The following GLI3 variants were observed in gnomAD, a reference collection of about 807,000 sequenced individuals.
GLI3 encodes the protein transcription activator GLI3.
GLI3 carries 20 observed loss-of-function variants against 100.8 expected under a neutral mutation model. The ratio of observed to expected loss-of-function variants is 0.20; its 90% CI spans 0.14 to 0.29. The LOEUF (loss-of-function observed/expected upper bound fraction) is 0.29. Ranked by LOEUF, GLI3 falls within the 10% of genes least tolerant of loss-of-function variation. GLI3 has a pLI of 1.00. For missense variants in GLI3, 2,040 were observed against 2,128.5 expected (o/e 0.96, Z 0.82); for synonymous variants, 938 against 860.5 (o/e 1.09, Z -1.58).
At chr7:42,092,438 T>C (rs1028948001) in intron 3 of GLI3, among the ~76,000 whole-genome samples, 1 of 152,156 alleles carries the variant, frequency 6.6e-6, no homozygotes, top group Admixed American at 6.5e-5. Flanking sequence ...AAGCCCGTGG[T>C]GTGCTGTCAG....
At chr7:42,182,681 T>TATATATATAC (rs1338758976) in intron 2 of GLI3, among the ~76,000 whole-genome samples, 7 of 56,770 alleles carry the variant, frequency 1.2e-4, no homozygotes, top group African/African-American at 3.6e-4. Flanking sequence ...TATATATATA[T>TATATATATAC]ACACATGTGT....
At chr7:42,250,819 C>G (rs898375195) in intron 1 of GLI3, among the ~76,000 whole-genome samples, 1 of 152,056 alleles carries the variant, frequency 6.6e-6, no homozygotes, top group Non-Finnish European at 1.5e-5. Context: ...TGGGAAAGGG[C>G]GAAAGAATAG....
intron 3 of GLI3, among the ~76,000 whole-genome samples, chr7:42,123,377 G>A (rs1434339907): frequency 6.6e-6 from 1 of 152,136 alleles, no homozygotes; most frequent in African/African-American, 2.4e-5. Context: ...TAGCAAATGA[G>A]AGCAGTTTCA....
At chr7:42,039,912 G>C in intron 7 of GLI3, 126 bp downstream of exon 7, 1 of 761,910 alleles carries the variant, frequency 1.3e-6, no homozygotes, top group Middle Eastern at 2.9e-4. Flanking sequence ...TCTTGGTATA[G>C]GCACAGCATC....
At chr7:42,049,348 T>C (rs1355668525) in intron 4 of GLI3, among the ~76,000 whole-genome samples, 1 of 152,182 alleles carries the variant, frequency 6.6e-6, no homozygotes, top group Non-Finnish European at 1.5e-5. Flanking sequence ...AAAATGACTT[T>C]TATGGATCCA....
At chr7:42,060,409 T>A (rs183670820) in intron 4 of GLI3, among the ~76,000 whole-genome samples, 5 of 152,322 alleles carry the variant, frequency 3.3e-5, no homozygotes, top group African/African-American at 1.2e-4. Context: ...ATTAAGCGAT[T>A]TGATTTACCT....
chr7:42,080,185 G>A (rs916099229), intron 3 of GLI3, among the ~76,000 whole-genome samples: 1 of 152,064 alleles, frequency 6.6e-6, no homozygotes, highest in Non-Finnish European at 1.5e-5. Flanking sequence ...ACCTAGCACT[G>A]CAACAATAAA....
intron 4 of GLI3, among the ~76,000 whole-genome samples, chr7:42,058,525 T>G (rs868543878): frequency 2.6e-4 from 39 of 152,354 alleles, no homozygotes; most frequent in Middle Eastern, 3.4e-3. Context: ...TACAAAATAT[T>G]GATGCTTTAA....
At position 42,076,714 on chromosome 7, in the gene GLI3, C is replaced by T. The variant is rs369382321; in HGVS notation, c.473+38G>A. 488 of 1,278,958 alleles carry T rather than the reference C, an allele frequency of 3.8e-4. 1 individual carries two copies. Among genetic ancestry groups the T allele is most frequent in the Admixed American group, 5.9e-4 (35 of 59,594 alleles). The allele number at this position is 1,278,958 out of a possible 1,614,324, so 79.2% of individuals were successfully genotyped here. On this transcript the variant is annotated intron_variant, in intron 4 of 14. Transcript: ENST00000395925. ...CCTGAGATGGTAAAAGCCAGCATCT[C>T]GTTCCATTTCATTAATGAAGAAAGT... is the stretch of plus-strand genomic sequence containing the variant.
chr7:42,030,803 C>G (rs1221920266), intron 7 of GLI3, among the ~76,000 whole-genome samples: 2 of 151,202 alleles, frequency 1.3e-5, no homozygotes, highest in East Asian at 3.9e-4. Flanking sequence ...ACTGAAACCT[C>G]CGCCTCCCAG....
At chr7:42,129,701 C>G (rs545036293) in intron 3 of GLI3, among the ~76,000 whole-genome samples, 13 of 152,218 alleles carry the variant, frequency 8.5e-5, no homozygotes, top group African/African-American at 3.1e-4. Flanking sequence ...ATCTCAGCCA[C>G]TAGGGAGGCT....
intron 1 of GLI3, among the ~76,000 whole-genome samples, chr7:42,250,581 T>G (rs555447991): frequency 6.6e-6 from 1 of 152,186 alleles, no homozygotes; most frequent in South Asian, 2.1e-4. Flanking sequence ...GCCAGAGCCA[T>G]GTCCCCCATG....
At chr7:42,049,820 T>C (rs1784317476) in intron 4 of GLI3, among the ~76,000 whole-genome samples, 1 of 152,148 alleles carries the variant, frequency 6.6e-6, no homozygotes, top group African/African-American at 2.4e-5. Context: ...TGCTCCCCGC[T>C]TTTCCTCATT....
chr7:42,126,392 C>A (rs1487303783), intron 3 of GLI3, among the ~76,000 whole-genome samples: 1 of 152,198 alleles, frequency 6.6e-6, no homozygotes, highest in Non-Finnish European at 1.5e-5. Flanking sequence ...AGCAAGTGAT[C>A]TAGAGTGGTA....
intron 3 of GLI3, among the ~76,000 whole-genome samples, chr7:42,133,817 C>T (rs1235770698): frequency 2.0e-5 from 3 of 152,144 alleles, no homozygotes; most frequent in South Asian, 2.1e-4. Flanking sequence ...CGTGGTGGCT[C>T]CTGCCTATAA....
chr7:42,246,612 A>AAAAC (rs1788975109), intron 1 of GLI3, among the ~76,000 whole-genome samples: 1 of 149,924 alleles, frequency 6.7e-6, no homozygotes, highest in Non-Finnish European at 1.5e-5. Flanking sequence ...GTACATACAG[A>AAAAC]AAAACAAAAC....
intron 1 of GLI3, among the ~76,000 whole-genome samples, chr7:42,250,713 C>T (rs1191118622): frequency 6.6e-6 from 1 of 152,088 alleles, no homozygotes; most frequent in Non-Finnish European, 1.5e-5. Context: ...AAGAGAGGGA[C>T]AGGAAGTGCC....
chr7:42,262,327 A>G (rs2128712137), intron 1 of GLI3, among the ~76,000 whole-genome samples: 1 of 150,694 alleles, frequency 6.6e-6, no homozygotes, highest in African/African-American at 2.4e-5. Flanking sequence ...AGGTGTAAAC[A>G]TGGGTCACTG....
chr7:41,998,164 A>G (rs1343217199), intron 10 of GLI3, among the ~76,000 whole-genome samples: 1 of 152,186 alleles, frequency 6.6e-6, no homozygotes, highest in African/African-American at 2.4e-5. Context: ...GTCACTAGGG[A>G]CTTAGAGGAG....
Sources: gnomAD v4.1 joint callset for allele counts (sites outside exome capture counted in the v4.1 genomes callset) on GRCh38, gnomAD v4.1.1 for gene constraint, MANE v1.5 for transcripts, NCBI Gene and HGNC (gene_info 2026-07-23, HGNC 2026-07-21) for gene names.